TCF7L2: variants seen among roughly 807,000 people sequenced by gnomAD.
TCF7L2 encodes the protein transcription factor 7-like 2.
TCF7L2 carries 23 observed loss-of-function variants against 77.9 expected under a neutral mutation model. The ratio of observed to expected loss-of-function variants is 0.30; its 90% CI spans 0.21 to 0.42. The LOEUF is 0.42. Ranked by LOEUF, TCF7L2 falls within the 10% of genes least tolerant of loss-of-function variation. The probability of loss-of-function intolerance (pLI) is 1.00; values close to 1 mark genes in which losing one functional copy is unlikely to be tolerated. For synonymous variants in TCF7L2, 413 were observed against 340.2 expected (o/e 1.21, Z -2.36); for missense variants, 654 against 793.1 (o/e 0.82, Z 2.11).
intron 5 of TCF7L2, among the ~76,000 whole-genome samples, chr10:113,070,496 C>T (rs139448624): frequency 5.3e-5 from 8 of 152,154 alleles, no homozygotes; most frequent in Non-Finnish European, 1.0e-4. Context: ...GCGGGACCCG[C>T]GTCAAGGCTT....
intron 3 of TCF7L2, among the ~76,000 whole-genome samples, chr10:112,960,343 A>G (rs948832760): frequency 7.9e-5 from 12 of 152,312 alleles, no homozygotes; most frequent in East Asian, 3.9e-4. Context: ...TGGTCTTTAC[A>G]TTGCTGAAGA....
intron 4 of TCF7L2, among the ~76,000 whole-genome samples, chr10:112,988,181 T>G (rs943443605): frequency 2.6e-5 from 4 of 151,734 alleles, no homozygotes; most frequent in African/African-American, 4.8e-5. Flanking sequence ...CACGGCAACC[T>G]CTGTCTCCTG....
At chr10:113,030,461 G>A (rs1277384898) in intron 4 of TCF7L2, among the ~76,000 whole-genome samples, 1 of 152,150 alleles carries the variant, frequency 6.6e-6, no homozygotes, top group Non-Finnish European at 1.5e-5. Context: ...GTAGAGACAT[G>A]GGTAGTAACT....
At position 113,033,633 on chromosome 10, in the gene TCF7L2, C is replaced by A. The variant is rs116509194; in HGVS notation, c.451-6392C>A. Among the ~76,000 whole-genome samples the A allele has an allele frequency of 6.5e-3, 986 of 152,260 alleles. 14 individuals are homozygous for A. The highest frequency in any genetic ancestry group is 0.023 in the African/African-American group (950 of 41,544). On this transcript the variant is annotated intron_variant, in intron 4 of 13. Coordinates refer to ENST00000627217, the MANE Select transcript of TCF7L2 (RefSeq NM_001146274.2). Reference sequence around the variant, plus strand: ...TCTTTGGTTTTCTTTTCCTAGGTAACTATAGTACATACTTATTTATGTTAA... The same window carrying A: ...TCTTTGGTTTTCTTTTCCTAGGTAAATATAGTACATACTTATTTATGTTAA...
intron 5 of TCF7L2, among the ~76,000 whole-genome samples, chr10:113,109,925 G>T (rs961932820): frequency 3.3e-5 from 5 of 152,182 alleles, no homozygotes; most frequent in African/African-American, 1.2e-4. Flanking sequence ...ATATCAGAAT[G>T]TATAATATTT....
chr10:112,983,990 C>T lies in TCF7L2; in HGVS notation c.450+19366C>T, dbSNP rs573304464. Among the ~76,000 whole-genome samples the T allele has an allele frequency of 2.0e-5, 3 of 152,328 alleles. No individual in the cohort carries two copies. The East Asian group carries it at 5.8e-4, about 29-fold the overall frequency. On this transcript the variant is annotated intron_variant, in intron 4 of 13. Transcript: ENST00000627217. ...AAGACATAACTTCGATTCTCCCAGT[C>T]GACTTGAAAACAACCGTTGTTTTCT...
chr10:112,993,309 C>T (rs2042914217), intron 4 of TCF7L2, among the ~76,000 whole-genome samples: 1 of 151,832 alleles, frequency 6.6e-6, no homozygotes, highest in Non-Finnish European at 1.5e-5. Flanking sequence ...CACTTGAGGT[C>T]AGCCTGGCCA....
chr10:112,992,692 C>T (rs1043567999), intron 4 of TCF7L2, among the ~76,000 whole-genome samples: 5 of 151,990 alleles, frequency 3.3e-5, no homozygotes, highest in African/African-American at 1.2e-4. Flanking sequence ...CTGGAAACCC[C>T]TCCTGAGGAC....
intron 6 of TCF7L2, 45 bp from the exon 7 acceptor site, chr10:113,143,878 C>G: frequency 2.3e-5 from 34 of 1,466,170 alleles, no homozygotes; most frequent in African/African-American, 2.8e-5. Context: ...ATTGCTCTTT[C>G]CTTCTCTCCC....
At chr10:112,990,373 T>G (rs1382423042) in intron 4 of TCF7L2, among the ~76,000 whole-genome samples, 1 of 152,176 alleles carries the variant, frequency 6.6e-6, no homozygotes, top group African/African-American at 2.4e-5. Context: ...CCCGTAAGTT[T>G]CTGGGCAGAG....
intron 5 of TCF7L2, among the ~76,000 whole-genome samples, chr10:113,096,523 C>T (rs1340499097): frequency 6.6e-6 from 1 of 152,154 alleles, no homozygotes; most frequent in Non-Finnish European, 1.5e-5. Flanking sequence ...TGTTCTCTGT[C>T]ACGTCTCTGA....
intron 3 of TCF7L2, among the ~76,000 whole-genome samples, chr10:112,963,955 G>C (rs1386356666): frequency 1.3e-5 from 2 of 152,200 alleles, no homozygotes; most frequent in Non-Finnish European, 2.9e-5. Context: ...GCAGGCGACA[G>C]AGATGGCCTG....
intron 5 of TCF7L2, among the ~76,000 whole-genome samples, chr10:113,094,388 G>A (rs2060719696): frequency 6.6e-6 from 1 of 152,012 alleles, no homozygotes; most frequent in Middle Eastern, 3.2e-3. Context: ...TCATTTCCTG[G>A]GTACTGTATT....
At chr10:112,951,140 C>T (rs1445327315) in intron 1 of TCF7L2, 67 bp from the exon 2 acceptor site, 51 of 1,281,548 alleles carry the variant, frequency 4.0e-5, no homozygotes, top group Non-Finnish European at 5.2e-5. Context: ...GATTCTTTTT[C>T]TCCCCCTTCT....
chr10:113,049,776 A>T (rs1342488789), intron 5 of TCF7L2, among the ~76,000 whole-genome samples: 1 of 152,212 alleles, frequency 6.6e-6, no homozygotes, highest in Non-Finnish European at 1.5e-5. Flanking sequence ...CTTGATGAAG[A>T]GGTGGGGCTT....
intron 5 of TCF7L2, among the ~76,000 whole-genome samples, chr10:113,134,345 A>G (rs1166198556): frequency 1.3e-5 from 2 of 152,186 alleles, no homozygotes; most frequent in Admixed American, 6.5e-5. Context: ...TGCAAAAGCA[A>G]GTGTTGGCCT....
chr10:113,063,700 T>G (rs940017075), intron 5 of TCF7L2, among the ~76,000 whole-genome samples: 6 of 152,076 alleles, frequency 3.9e-5, no homozygotes, highest in African/African-American at 9.7e-5. Context: ...CCCGGGTGAT[T>G]CCTTGCCTCT....
chr10:113,070,774 A>G (rs1363153519), intron 5 of TCF7L2, among the ~76,000 whole-genome samples: 2 of 152,206 alleles, frequency 1.3e-5, no homozygotes, highest in Admixed American at 1.3e-4. Flanking sequence ...AAAAAATTAT[A>G]CAGTTATTGA....
At chr10:112,968,639 C>T (rs768923809) in intron 4 of TCF7L2, among the ~76,000 whole-genome samples, 13 of 152,138 alleles carry the variant, frequency 8.5e-5, no homozygotes, top group Non-Finnish European at 1.5e-4. Flanking sequence ...AGTGCAGTGG[C>T]GTGATCTCGG....
Sources: allele counts gnomAD v4.1 joint callset (sites outside exome capture counted in the v4.1 genomes callset), GRCh38; gene constraint gnomAD v4.1.1; transcripts MANE v1.5; gene names NCBI Gene and HGNC (gene_info 2026-07-23, HGNC 2026-07-21).